WLS: variants seen among roughly 807,000 people sequenced by gnomAD.
WLS encodes protein wntless homolog.
Under a neutral mutation model 62.8 loss-of-function variants are expected in WLS, and 23 were observed. The observed-to-expected ratio is 0.37, with a 90% CI of 0.26 to 0.52. WLS has a LOEUF of 0.52. WLS is among the 20% of genes least tolerant of loss of function. The pLI is 0.92. For missense variants in WLS, 615 were observed against 697.3 expected, an observed-to-expected ratio of 0.88 and a Z score of 1.33; for synonymous variants, 246 against 244.1, an observed-to-expected ratio of 1.01 and a Z score of -0.07.
At chr1:68,148,519 G>A in intron 7 of WLS, 44 bp downstream of exon 7, 3 of 1,582,086 alleles carry the variant, frequency 1.9e-6, no homozygotes, top group Non-Finnish European at 2.6e-6. Flanking sequence ...GAGTGGGCGT[G>A]GTGATGCACA....
At chr1:68,120,464 C>T (rs1646349945), downstream of WLS, among the ~76,000 whole-genome samples, 1 of 152,238 alleles carries the variant, frequency 6.6e-6, no homozygotes, top group Non-Finnish European at 1.5e-5. Context: ...ACATTCTTGA[C>T]TCTTCTGCTG....
intron 4 of WLS, 45 bp downstream of exon 4, chr1:68,155,054 A>C (rs763210728): frequency 6.3e-7 from 1 of 1,584,178 alleles, no homozygotes; most frequent in Non-Finnish European, 8.6e-7. Flanking sequence ...AGTGAGATGG[A>C]GTTCCCCTCC....
chr1:68,105,425 G>T (rs1646129807), intron 11 of WLS, among the ~76,000 whole-genome samples: 2 of 151,662 alleles, frequency 1.3e-5, no homozygotes, highest in African/African-American at 2.4e-5. Flanking sequence ...TTAATGGAAA[G>T]TCTAGTTTTA....
At chr1:68,161,221 A>C (rs562033450) in intron 2 of WLS, among the ~76,000 whole-genome samples, 2 of 152,318 alleles carry the variant, frequency 1.3e-5, no homozygotes, top group East Asian at 3.9e-4. Flanking sequence ...TTCTCTGTAC[A>C]GGAGCCTGTA....
intron 2 of WLS, among the ~76,000 whole-genome samples, chr1:68,172,449 A>G (rs1317220871): frequency 6.7e-6 from 1 of 150,290 alleles, no homozygotes; most frequent in African/African-American, 2.4e-5. Flanking sequence ...AAAGAGTGAA[A>G]CAATTAAACT....
intron 1 of WLS, among the ~76,000 whole-genome samples, chr1:68,223,399 G>A (rs1320256066): frequency 3.3e-5 from 5 of 152,188 alleles, no homozygotes; most frequent in African/African-American, 1.2e-4. Flanking sequence ...GTAAGGTTTT[G>A]GGTCATTCCC....
chr1:68,150,180 G>A lies in WLS; in HGVS notation c.972+8C>T, dbSNP rs775555009. The stretch of plus-strand genomic sequence containing the variant: ...GTACAGACGTCTGTCCCTCCCGGCG[G>A]CTCTTACCATCATGTGCTCGCCACA... On this transcript the variant is annotated splice_region_variant and intron_variant, in intron 6 of 11. Coordinates refer to ENST00000262348, the MANE Select transcript of WLS (RefSeq NM_024911.7). 1.9e-6 allele frequency: 3 copies of A among 1,613,496 alleles called. No individual in the cohort carries two copies. The highest frequency in any genetic ancestry group is 1.3e-5 in the African/African-American group (1 of 74,896).
At chr1:68,151,299 G>C (rs141614945) in intron 5 of WLS, among the ~76,000 whole-genome samples, 33 of 152,260 alleles carry the variant, frequency 2.2e-4, no homozygotes, top group African/African-American at 7.9e-4. Context: ...GAAATGACAG[G>C]ACATGAGACC....
intron 1 of WLS, among the ~76,000 whole-genome samples, chr1:68,214,885 A>G (rs1036448013): frequency 6.6e-6 from 1 of 152,174 alleles, no homozygotes; most frequent in Non-Finnish European, 1.5e-5. Context: ...TATTAGCTTC[A>G]TTCTCAGGCT....
intron 2 of WLS, among the ~76,000 whole-genome samples, chr1:68,165,703 C>T (rs897414429): frequency 3.9e-5 from 6 of 152,120 alleles, no homozygotes; most frequent in Admixed American, 1.3e-4. Flanking sequence ...GGTGTAGGGG[C>T]CCACACTTCC....
chr1:68,188,777 G>C (rs1159055919), intron 2 of WLS, among the ~76,000 whole-genome samples: 1 of 152,224 alleles, frequency 6.6e-6, no homozygotes, highest in Non-Finnish European at 1.5e-5. Flanking sequence ...TACAGGGCAG[G>C]AAACTACTCC....
chr1:68,116,330 C>T (rs1482252984), intron 11 of WLS, among the ~76,000 whole-genome samples: 1 of 152,194 alleles, frequency 6.6e-6, no homozygotes, highest in Non-Finnish European at 1.5e-5. Flanking sequence ...CGGGGTAAGG[C>T]CAGGCTCACG....
intron 9 of WLS, among the ~76,000 whole-genome samples, chr1:68,144,874 C>T (rs1380589262): frequency 1.3e-5 from 2 of 152,108 alleles, no homozygotes; most frequent in Admixed American, 6.5e-5. Context: ...CATAAAGCAG[C>T]GATACGAGAG....
At chr1:68,210,650 C>A (rs78343392) in intron 1 of WLS, among the ~76,000 whole-genome samples, 29 of 152,260 alleles carry the variant, frequency 1.9e-4, no homozygotes, top group Non-Finnish European at 4.0e-4. Flanking sequence ...CCTCCCCAAG[C>A]AAAATCTCTG....
intron 11 of WLS, chr1:68,098,907 T>A: frequency 8.6e-7 from 1 of 1,156,672 alleles, no homozygotes; most frequent in Non-Finnish European, 1.2e-6. Context: ...ACTGTGTCCT[T>A]CATTGTGGGA....
chr1:68,111,610 T>A (rs1646229436), intron 11 of WLS, among the ~76,000 whole-genome samples: 1 of 152,222 alleles, frequency 6.6e-6, no homozygotes, highest in African/African-American at 2.4e-5. Context: ...TGTGCCCCTA[T>A]TGAGAAACAT....
chr1:68,190,676 G>C (rs1648240363), intron 2 of WLS, among the ~76,000 whole-genome samples: 2 of 152,292 alleles, frequency 1.3e-5, no homozygotes, highest in South Asian at 4.1e-4. Context: ...CTGCAGACCA[G>C]GCCAACAGCT....
chr1:68,159,196 G>T lies in WLS; in HGVS notation c.431C>A (p.Ala144Glu). Residue 144 changes from alanine to glutamate, a missense_variant, in exon 3 of 12, where the codon GCG (alanine) becomes GAG (glutamate). Transcript: ENST00000262348. ...GGCCATTTCAGTCCACTCAGCAAACGCGTCATCACGGTAAGCCAGGGAAAC... is the reference window on the plus strand; with the variant it reads ...GGCCATTTCAGTCCACTCAGCAAACTCGTCATCACGGTAAGCCAGGGAAAC... ...MDVSLAYRDD[A>E]FAEWTEMAHE... The T allele has an allele frequency of 6.2e-7, 1 of 1,614,052 alleles. No individual in the cohort carries two copies. Among genetic ancestry groups the T allele is most frequent in the Non-Finnish European group, 8.5e-7 (1 of 1,179,978 alleles).
chr1:68,212,741 C>A (rs2566776), intron 1 of WLS, among the ~76,000 whole-genome samples: 7,095 of 152,002 alleles, frequency 0.047, 187 homozygotes, highest in African/African-American at 0.063. Flanking sequence ...AAGATAAATG[C>A]CTTCATATAA....
Sources: allele counts gnomAD v4.1 joint callset (sites outside exome capture counted in the v4.1 genomes callset), GRCh38; gene constraint gnomAD v4.1.1; transcripts MANE v1.5; gene names NCBI Gene and HGNC (gene_info 2026-07-23, HGNC 2026-07-21).